Variants in NCOA2 observed in about 807,000 individuals in gnomAD.
NCOA2 encodes the protein nuclear receptor coactivator 2.
In NCOA2, 21 loss-of-function variants were observed where a neutral mutation model predicts 145.1. The ratio of observed to expected loss-of-function variants is 0.14; its 90% CI spans 0.10 to 0.21. The LOEUF (loss-of-function observed/expected upper bound fraction) is 0.21. Ranked by LOEUF, NCOA2 falls within the 10% of genes least tolerant of loss-of-function variation. The pLI is 1.00. For missense variants in NCOA2, 1,472 were observed against 1,837.6 expected (o/e 0.80, Z 3.64); for synonymous variants, 619 against 637.5 (o/e 0.97, Z 0.44).
chr8:70,135,250 T>C (rs957786912), intron 15 of NCOA2, among the ~76,000 whole-genome samples: 3 of 152,304 alleles, frequency 2.0e-5, no homozygotes, highest in East Asian at 1.9e-4. Flanking sequence ...CATCTCCTCA[T>C]AGACTGCCCC....
chr8:70,146,788 C>T (rs1360742982), intron 12 of NCOA2, among the ~76,000 whole-genome samples: 1 of 152,038 alleles, frequency 6.6e-6, no homozygotes, highest in South Asian at 2.1e-4. Flanking sequence ...CTCCACCTTC[C>T]GGGTTCAAGC....
At chr8:70,341,093 A>AAAAAAG (rs1328205576) in intron 1 of NCOA2, among the ~76,000 whole-genome samples, 6 of 150,996 alleles carry the variant, frequency 4.0e-5, no homozygotes, top group African/African-American at 1.2e-4. Flanking sequence ...AAAAAAAAAA[A>AAAAAAG]AAAAGAAACA....
chr8:70,227,225 T>A (rs1820727062), intron 2 of NCOA2, among the ~76,000 whole-genome samples: 1 of 152,178 alleles, frequency 6.6e-6, no homozygotes. Context: ...TTGTCCACTG[T>A]CACTCATTTA....
At chr8:70,404,964 CTT>C (rs921978756), upstream of NCOA2, among the ~76,000 whole-genome samples, 2 of 152,122 alleles carry the variant, frequency 1.3e-5, no homozygotes, top group African/African-American at 4.8e-5. Flanking sequence ...AGAAAGGTCA[CTT>C]GCGGTAGACA....
intron 1 of NCOA2, among the ~76,000 whole-genome samples, chr8:70,362,842 C>A (rs1810330993): frequency 6.6e-6 from 1 of 151,926 alleles, no homozygotes; most frequent in African/African-American, 2.4e-5. Context: ...CCTTGGGAGG[C>A]CAAGGTGGGA....
intron 22 of NCOA2, 113 bp downstream of exon 22, chr8:70,121,189 T>C (rs1807765400): frequency 1.2e-6 from 1 of 841,010 alleles, no homozygotes; most frequent in East Asian, 2.8e-5. Context: ...CAGAAGATAT[T>C]TTACGATTAT....
intron 2 of NCOA2, among the ~76,000 whole-genome samples, chr8:70,262,815 G>A (rs1824249320): frequency 6.6e-6 from 1 of 152,110 alleles, no homozygotes; most frequent in Non-Finnish European, 1.5e-5. Flanking sequence ...TCGAGTGGAT[G>A]CCTGAAACCA....
chr8:70,144,598 T>C, intron 13 of NCOA2, 44 bp downstream of exon 13: 1 of 1,499,842 alleles, frequency 6.7e-7, no homozygotes, highest in Non-Finnish European at 9.3e-7. Flanking sequence ...TACCATTAAA[T>C]TAAATAACCC....
chr8:70,397,810 A>G (rs1813828422), intron 1 of NCOA2, among the ~76,000 whole-genome samples: 2 of 152,248 alleles, frequency 1.3e-5, no homozygotes, highest in Non-Finnish European at 1.5e-5. Flanking sequence ...ATTTTACAAT[A>G]TTTTTTATTA....
At chr8:70,327,842 C>T (rs1280568024) in intron 1 of NCOA2, among the ~76,000 whole-genome samples, 1 of 152,098 alleles carries the variant, frequency 6.6e-6, no homozygotes, top group African/African-American at 2.4e-5. Context: ...AGCTACATTA[C>T]CTACCAAGAG....
chr8:70,282,069 G>C (rs1186561460), intron 2 of NCOA2, among the ~76,000 whole-genome samples: 1 of 152,088 alleles, frequency 6.6e-6, no homozygotes, highest in Non-Finnish European at 1.5e-5. Context: ...TAAGAGGTGA[G>C]AGATAAGACC....
intron 4 of NCOA2, among the ~76,000 whole-genome samples, chr8:70,200,012 C>T (rs577090368): frequency 1.1e-4 from 17 of 152,100 alleles, no homozygotes; most frequent in Admixed American, 2.0e-4. Context: ...TCTTTTTCCC[C>T]CCTTGTCATT....
chr8:70,247,803 T>G (rs1021603417), intron 2 of NCOA2, among the ~76,000 whole-genome samples: 1 of 152,262 alleles, frequency 6.6e-6, no homozygotes, highest in Non-Finnish European at 1.5e-5. Flanking sequence ...AGCAAAATGC[T>G]GTGCATTCCC....
chr8:70,361,401 C>G (rs1810186401), intron 1 of NCOA2, among the ~76,000 whole-genome samples: 1 of 151,458 alleles, frequency 6.6e-6, no homozygotes, highest in Non-Finnish European at 1.5e-5. Flanking sequence ...GTAGGCTAGG[C>G]AGGAGAATCA....
At chr8:70,162,420 G>T (rs1027282818) in intron 9 of NCOA2, among the ~76,000 whole-genome samples, 5 of 152,120 alleles carry the variant, frequency 3.3e-5, no homozygotes, top group African/African-American at 9.7e-5. Context: ...CTTTTCATTA[G>T]ATGGTACTTA....
intron 1 of NCOA2, among the ~76,000 whole-genome samples, chr8:70,400,115 C>G (rs73684293): frequency 0.027 from 4,084 of 152,284 alleles, 173 homozygotes; most frequent in African/African-American, 0.093. Context: ...AAATGCTCTT[C>G]TAACACTAAG....
At chr8:70,137,335 G>A (rs568456692) in intron 15 of NCOA2, among the ~76,000 whole-genome samples, 2 of 152,286 alleles carry the variant, frequency 1.3e-5, no homozygotes, top group South Asian at 2.1e-4. Context: ...GAGCCACCGC[G>A]TCTAGCTCCA....
chr8:70,415,487 G>A, the NCOA2 span, among the ~76,000 whole-genome samples: 1 of 152,150 alleles, frequency 6.6e-6, no homozygotes, highest in African/African-American at 2.4e-5. Context: ...AGATATTTTT[G>A]TTTCATAAAA....
chr8:70,162,656 C>T (rs1813161883), intron 9 of NCOA2, 55 bp downstream of exon 9: 4 of 1,538,510 alleles, frequency 2.6e-6, no homozygotes, highest in Admixed American at 1.8e-5. Context: ...GAATCATTGA[C>T]AGAAAGCTCC....
Sources: gnomAD v4.1 joint callset for allele counts (sites outside exome capture counted in the v4.1 genomes callset) on GRCh38, gnomAD v4.1.1 for gene constraint, MANE v1.5 for transcripts, NCBI Gene and HGNC (gene_info 2026-07-23, HGNC 2026-07-21) for gene names.